The following MEIS2 variants were observed in gnomAD, a reference collection of about 807,000 sequenced individuals.
MEIS2 encodes homeobox protein Meis2.
MEIS2 carries 9 observed loss-of-function variants against 58.6 expected under a neutral mutation model. The ratio of observed to expected loss-of-function variants is 0.15; its 90% CI spans 0.09 to 0.27. The LOEUF (loss-of-function observed/expected upper bound fraction) is 0.27. Ranked by LOEUF, MEIS2 falls within the 10% of genes least tolerant of loss-of-function variation. The pLI is 1.00. For missense variants in MEIS2, 427 were observed against 635.0 expected, an observed-to-expected ratio of 0.67 and a Z score of 3.52; for synonymous variants, 221 against 228.4, an observed-to-expected ratio of 0.97 and a Z score of 0.29.
intron 8 of MEIS2, among the ~76,000 whole-genome samples, chr15:36,972,133 G>GAAAA (rs2059591079): frequency 6.6e-6 from 1 of 152,082 alleles, no homozygotes; most frequent in Non-Finnish European, 1.5e-5. Flanking sequence ...ATTTTTTCAT[G>GAAAA]ATGTTCCGTT....
At position 37,086,180 on chromosome 15, in the gene MEIS2, C is replaced by A. The variant is rs141844250; in HGVS notation, c.640-2295G>T. Among the ~76,000 whole-genome samples the A allele has an allele frequency of 3.3e-5, 5 of 152,282 alleles. No individual in the cohort carries two copies. In the East Asian group the frequency reaches 9.6e-4, roughly 29 times the overall value. On this transcript the variant is annotated intron_variant, in intron 6 of 11. Transcript: ENST00000561208. ...AAATTATAATAATTAACCACTAACACCTCAACTATGTTTTAAGGCAAATGT... is the reference window on the plus strand; with the variant it reads ...AAATTATAATAATTAACCACTAACAACTCAACTATGTTTTAAGGCAAATGT...
intron 8 of MEIS2, among the ~76,000 whole-genome samples, chr15:37,008,246 T>C (rs996570646): frequency 6.6e-6 from 1 of 152,254 alleles, no homozygotes; most frequent in Non-Finnish European, 1.5e-5. Context: ...CGTTACATTT[T>C]TGACTGATTT....
chr15:36,989,547 G>C lies in MEIS2; in HGVS notation c.901-39147C>G, dbSNP rs1328871056. Among the ~76,000 whole-genome samples the C allele has an allele frequency of 4.6e-5, 7 of 152,220 alleles. No homozygotes were observed. The East Asian group carries it at 1.4e-3, about 29-fold the overall frequency. On this transcript the variant is annotated intron_variant, in intron 8 of 11. Transcript: ENST00000561208. The stretch of plus-strand genomic sequence containing the variant: ...TCGGACTACAACTGCCTTAGGCCCA[G>C]ATATGGTCTCTGCCCAAGGTTCCTT...
intron 7 of MEIS2, among the ~76,000 whole-genome samples, chr15:37,075,250 C>G (rs1179865082): frequency 6.6e-6 from 1 of 151,896 alleles, no homozygotes; most frequent in Non-Finnish European, 1.5e-5. Flanking sequence ...AAATTCTGAC[C>G]ATATGCACAT....
chr15:37,057,142 G>T (rs907866650), intron 7 of MEIS2, among the ~76,000 whole-genome samples: 3 of 152,156 alleles, frequency 2.0e-5, no homozygotes, highest in Non-Finnish European at 4.4e-5. Flanking sequence ...TTACCGAATT[G>T]ATGGATCCTT....
chr15:37,026,893 C>T (rs917037793), intron 8 of MEIS2, among the ~76,000 whole-genome samples: 6 of 152,132 alleles, frequency 3.9e-5, no homozygotes, highest in Admixed American at 3.3e-4. Context: ...AACTTATCCA[C>T]TATTAGATAA....
At chr15:36,980,935 A>C (rs1370347733) in intron 8 of MEIS2, among the ~76,000 whole-genome samples, 1 of 152,154 alleles carries the variant, frequency 6.6e-6, no homozygotes, top group Non-Finnish European at 1.5e-5. Context: ...TAGGACAAAT[A>C]TCTTAACTGC....
chr15:36,929,384 G>A (rs1046483898), intron 9 of MEIS2, among the ~76,000 whole-genome samples: 1 of 152,190 alleles, frequency 6.6e-6, no homozygotes, highest in Non-Finnish European at 1.5e-5. Flanking sequence ...AAACTTCCTT[G>A]TGCATGCAAC....
At chr15:37,075,475 T>C (rs937665020) in intron 7 of MEIS2, among the ~76,000 whole-genome samples, 5 of 152,062 alleles carry the variant, frequency 3.3e-5, no homozygotes, top group East Asian at 1.9e-4. Context: ...TGGAATTTGA[T>C]GGAATATATC....
At chr15:36,933,509 G>C (rs1456538928) in intron 9 of MEIS2, among the ~76,000 whole-genome samples, 1 of 146,002 alleles carries the variant, frequency 6.8e-6, no homozygotes, top group African/African-American at 2.5e-5. Flanking sequence ...TGATACCTCA[G>C]AAAGAGATAA....
chr15:37,084,237 C>G (rs779838827), intron 6 of MEIS2, among the ~76,000 whole-genome samples: 5 of 152,030 alleles, frequency 3.3e-5, no homozygotes, highest in African/African-American at 7.3e-5. Flanking sequence ...GTCATTTTTA[C>G]TCTCGCTATC....
At chr15:37,063,424 T>C (rs1193468726) in intron 7 of MEIS2, among the ~76,000 whole-genome samples, 3 of 152,184 alleles carry the variant, frequency 2.0e-5, no homozygotes, top group Non-Finnish European at 2.9e-5. Flanking sequence ...TAGACCTGAT[T>C]TACAATCTTA....
intron 8 of MEIS2, among the ~76,000 whole-genome samples, chr15:36,957,600 T>C (rs957610735): frequency 3.9e-5 from 6 of 152,254 alleles, no homozygotes; most frequent in African/African-American, 1.4e-4. Context: ...TCCTCCTCTC[T>C]TGTGTTTTTA....
At chr15:37,075,953 T>G (rs974377013) in intron 7 of MEIS2, among the ~76,000 whole-genome samples, 2 of 151,994 alleles carry the variant, frequency 1.3e-5, no homozygotes, top group African/African-American at 4.8e-5. Flanking sequence ...TATTGCTGTA[T>G]AGCAGGGATA....
chr15:36,918,564 C>T (rs2057372691), intron 9 of MEIS2, among the ~76,000 whole-genome samples: 1 of 152,172 alleles, frequency 6.6e-6, no homozygotes, highest in Admixed American at 6.5e-5. Flanking sequence ...TAGTCTTGCT[C>T]TCAGAAAGGT....
chr15:36,952,673 GAGA>G (rs1320279560), intron 8 of MEIS2, among the ~76,000 whole-genome samples: 20 of 151,724 alleles, frequency 1.3e-4, no homozygotes, highest in Admixed American at 7.9e-4. Context: ...GCGAGAGAGA[GAGA>G]AGGTTTAGAT....
intron 8 of MEIS2, among the ~76,000 whole-genome samples, chr15:36,969,643 A>G (rs573878500): frequency 3.3e-5 from 5 of 152,244 alleles, no homozygotes; most frequent in Non-Finnish European, 7.3e-5. Context: ...TCTGACTTCT[A>G]ATTTCAAATA....
At chr15:36,977,562 G>T (rs917093942) in intron 8 of MEIS2, among the ~76,000 whole-genome samples, 2 of 152,152 alleles carry the variant, frequency 1.3e-5, no homozygotes, top group Admixed American at 1.3e-4. Context: ...TCATATTAAA[G>T]AAGATAATTC....
At chr15:37,101,303 CGT>C (rs371810726), upstream of MEIS2, 7,399 of 128,306 alleles carry the variant, frequency 0.058, 328 homozygotes, top group African/African-American at 0.11. Flanking sequence ...TAGCCAAAGG[CGT>C]GTGTGTGTGT....
Sources: gnomAD v4.1 joint callset for allele counts (sites outside exome capture counted in the v4.1 genomes callset) on GRCh38, gnomAD v4.1.1 for gene constraint, MANE v1.5 for transcripts, NCBI Gene and HGNC (gene_info 2026-07-23, HGNC 2026-07-21) for gene names.